USP12: variants seen among roughly 807,000 people sequenced by gnomAD.
USP12 encodes ubiquitin specific peptidase 12.
A neutral mutation model predicts 45.5 loss-of-function variants in USP12; 19 were observed. That is an observed-to-expected ratio of 0.42 (90% CI 0.29 to 0.61). USP12 has a LOEUF of 0.61. Ranked by LOEUF, USP12 falls within the 20% of genes least tolerant of loss-of-function variation. USP12 has a pLI of 0.22. For synonymous variants in USP12, 149 were observed against 148.8 expected (o/e 1.00, Z -0.01); for missense variants, 242 against 447.7 (o/e 0.54, Z 4.15).
At chr13:27,088,416 C>CAAAAAA (rs11323861) in intron 6 of USP12, among the ~76,000 whole-genome samples, 4 of 93,650 alleles carry the variant, frequency 4.3e-5, no homozygotes, top group Admixed American at 1.3e-4. Context: ...GACTCCGTCT[C>CAAAAAA]AAAAAAAAAA....
At chr13:27,155,472 C>T (rs927536279) in intron 1 of USP12, among the ~76,000 whole-genome samples, 4 of 152,132 alleles carry the variant, frequency 2.6e-5, no homozygotes, top group African/African-American at 9.7e-5. Context: ...CTAATGCACA[C>T]ACAAATTGGT....
At chr13:27,156,263 T>C (rs893849766) in intron 1 of USP12, among the ~76,000 whole-genome samples, 3 of 149,906 alleles carry the variant, frequency 2.0e-5, no homozygotes, top group Admixed American at 2.0e-4. Context: ...GGCCTCTTAA[T>C]CTACCAGATT....
intron 7 of USP12, among the ~76,000 whole-genome samples, chr13:27,073,810 G>T (rs574147056): frequency 1.3e-5 from 2 of 152,126 alleles, no homozygotes. Flanking sequence ...TTTTCTAGAA[G>T]AGAAAACTGA....
intron 1 of USP12, among the ~76,000 whole-genome samples, chr13:27,163,316 C>A (rs770811375): frequency 1.3e-5 from 2 of 152,098 alleles, no homozygotes; most frequent in Admixed American, 6.5e-5. Context: ...GTTCACAAGA[C>A]CCGCTTTCAC....
At chr13:27,145,389 C>T (rs995424) in intron 1 of USP12, among the ~76,000 whole-genome samples, 86,675 of 151,962 alleles carry the variant, frequency 0.57, 25,374 homozygotes, top group East Asian at 0.82. Flanking sequence ...CCATGGAACA[C>T]GAATAACAAG....
chr13:27,125,516 G>A (rs1048859626), intron 1 of USP12, among the ~76,000 whole-genome samples: 13 of 152,102 alleles, frequency 8.5e-5, no homozygotes, highest in Admixed American at 2.6e-4. Context: ...GAACAGCTCC[G>A]GTCTACAGCT....
At chr13:27,098,842 G>T (rs529983222) in intron 3 of USP12, among the ~76,000 whole-genome samples, 7 of 152,212 alleles carry the variant, frequency 4.6e-5, no homozygotes, top group Non-Finnish European at 1.0e-4. Context: ...GCTGGGCAAC[G>T]GTTAAAATGG....
rs896538734 is a variant in USP12, at chr13:27,129,787, G to A, written c.49-13191C>T. On this transcript the variant is annotated intron_variant, in intron 1 of 8. Transcript: ENST00000282344. This position sits in a 1 kb window ranked among gnomAD's most constrained non-coding sequence, Gnocchi z 4.0. ...AACTTTATTCCATTAATGTAGTTTC[G>A]GTCTTTTCAACAACAAGAAAGCACC... Among the ~76,000 whole-genome samples, 3 of 152,016 alleles carry A rather than the reference G, an allele frequency of 2.0e-5. No individual in the cohort carries two copies. Among genetic ancestry groups the A allele is most frequent in the Admixed American group, 1.3e-4 (2 of 15,266 alleles).
intron 1 of USP12, among the ~76,000 whole-genome samples, chr13:27,126,452 G>A (rs1401401825): frequency 6.6e-6 from 1 of 152,124 alleles, no homozygotes; most frequent in African/African-American, 2.4e-5. Context: ...AACAAGCCAG[G>A]CTTTGACTCT....
At chr13:27,157,697 C>T (rs192350507) in intron 1 of USP12, among the ~76,000 whole-genome samples, 1 of 152,256 alleles carries the variant, frequency 6.6e-6, no homozygotes, top group African/African-American at 2.4e-5. Flanking sequence ...CTCACTTCCT[C>T]GCCAGGACCT....
chr13:27,115,131 T>C (rs1330013191), intron 2 of USP12, among the ~76,000 whole-genome samples: 8 of 152,182 alleles, frequency 5.3e-5, no homozygotes, highest in African/African-American at 1.4e-4. Flanking sequence ...AGCTTATATT[T>C]CTACTGATCA....
chr13:27,153,710 G>A (rs999150631), intron 1 of USP12, among the ~76,000 whole-genome samples: 9 of 152,056 alleles, frequency 5.9e-5, no homozygotes, highest in Non-Finnish European at 8.8e-5. Flanking sequence ...CCAAAAAGAC[G>A]TATCTTCCTT....
intron 8 of USP12, among the ~76,000 whole-genome samples, chr13:27,070,270 T>C (rs568321349): frequency 6.6e-6 from 1 of 152,138 alleles, no homozygotes; most frequent in South Asian, 2.1e-4. Flanking sequence ...ATGATAGAAG[T>C]CCAAATAGCA....
chr13:27,082,324 T>C (rs1270485231), intron 6 of USP12, among the ~76,000 whole-genome samples: 2 of 152,222 alleles, frequency 1.3e-5, no homozygotes, highest in Non-Finnish European at 2.9e-5. Context: ...CCACCCCTGC[T>C]AGCTTCAAAA....
Position 27,161,561 on chromosome 13 carries a change from T to C in USP12, c.48+10031A>G, listed in dbSNP as rs190996210. 1.7e-3 allele frequency among the ~76,000 whole-genome samples: 254 copies of C among 152,166 alleles called. 1 individual carries two copies. Among genetic ancestry groups the C allele is most frequent in the African/African-American group, 6.0e-3 (248 of 41,514 alleles). ...TACCTTTAAAAAAAAATGTTACTAA[T>C]AGGGAATTGCAGTGTTTACTGCCAT... On this transcript the variant is annotated intron_variant, in intron 1 of 8. Coordinates refer to ENST00000282344, the MANE Select transcript of USP12 (RefSeq NM_182488.4).
intron 4 of USP12, among the ~76,000 whole-genome samples, chr13:27,091,808 C>T (rs951009864): frequency 1.3e-5 from 2 of 152,158 alleles, no homozygotes; most frequent in African/African-American, 2.4e-5. Flanking sequence ...ATAGAGAACA[C>T]CAGAAAAGGG....
rs749903649 is a variant in USP12 at position 27,116,517 on chromosome 13, T to C, written c.128A>G (p.Asn43Ser). 1.2e-6 allele frequency: 2 copies of C among 1,613,372 alleles called. No homozygotes were observed. The highest frequency in any genetic ancestry group is 1.3e-5 in the African/African-American group (1 of 74,932). ...AAAAGCGTATCAATGGATACTTACA[T>C]TGACTAATCCAAAATAGTGCTCATT... ...PVNEHYFGLV[N>S]FGNTCYCNSV... The change falls in exon 2 of 9, where the codon AAT (asparagine) becomes AGT (serine). Residue 43 changes from asparagine to serine, a missense_variant and splice_region_variant. By Grantham distance (46) the Asn-to-Ser change is conservative. Around this residue, in one of 5 missense-constraint regions of USP12, gnomAD observed 77 missense variants for 153.7 expected, o/e 0.50. Transcript: ENST00000282344.
intron 8 of USP12, among the ~76,000 whole-genome samples, chr13:27,070,648 G>C (rs1236549782): frequency 6.6e-6 from 1 of 151,926 alleles, no homozygotes; most frequent in African/African-American, 2.4e-5. Flanking sequence ...CCGCCTCCCG[G>C]GTTCAAGCGC....
At chr13:27,123,009 G>A (rs943979659) in intron 1 of USP12, among the ~76,000 whole-genome samples, 14 of 150,444 alleles carry the variant, frequency 9.3e-5, no homozygotes, top group African/African-American at 2.4e-4. Context: ...GGAGAATGGC[G>A]TGAACCTGGG....
Sources: allele counts gnomAD v4.1 joint callset (sites outside exome capture counted in the v4.1 genomes callset), GRCh38; gene constraint gnomAD v4.1.1; regional missense constraint gnomAD v4.1.1; non-coding constraint Gnocchi (gnomAD v3.1); transcripts MANE v1.5; gene names NCBI Gene and HGNC (gene_info 2026-07-23, HGNC 2026-07-21).